IMMP2L: variants seen among roughly 807,000 people sequenced by gnomAD.
The protein encoded by IMMP2L is inner mitochondrial membrane peptidase subunit 2, also known as mitochondrial inner membrane protease subunit 2.
A neutral mutation model predicts 19.3 loss-of-function variants in IMMP2L; 18 were observed. The ratio of observed to expected loss-of-function variants is 0.93; its 90% CI spans 0.64 to 1.38. The LOEUF is 1.38. Ranked by LOEUF, IMMP2L falls within the 40% of genes most tolerant of loss-of-function variation. The probability of loss-of-function intolerance (pLI) is 0.00; values close to 1 mark genes in which losing one functional copy is unlikely to be tolerated. For synonymous variants in IMMP2L, 76 were observed against 73.0 expected (o/e 1.04, Z -0.21); for missense variants, 233 against 218.2 (o/e 1.07, Z -0.43).
rs868653580 is a variant in IMMP2L, at chr7:111,457,982, T to C, written c.239+29256A>G. 2.6e-5 allele frequency among the ~76,000 whole-genome samples: 4 copies of C among 151,444 alleles called. No individual in the cohort carries two copies. In the East Asian group the frequency reaches 7.8e-4, roughly 29 times the overall value. On this transcript the variant is annotated intron_variant, in intron 3 of 5. Coordinates refer to ENST00000405709, the MANE Select transcript of IMMP2L (RefSeq NM_032549.4). The stretch of plus-strand genomic sequence containing the variant: ...CAACAAATGTTCGAGTGCATTTTCA[T>C]TGTATGACTAAATTTCTATTAAAAA...
intron 5 of IMMP2L, among the ~76,000 whole-genome samples, chr7:110,876,617 C>T (rs1056221447): frequency 2.0e-5 from 3 of 152,082 alleles, no homozygotes; most frequent in African/African-American, 7.2e-5. Flanking sequence ...GGAGCAGAAT[C>T]TAACAGACAT....
chr7:111,555,619 TA>T (rs1008163388), intron 1 of IMMP2L, among the ~76,000 whole-genome samples: 4 of 152,162 alleles, frequency 2.6e-5, no homozygotes, highest in Non-Finnish European at 5.9e-5. Flanking sequence ...GACTTTTTTT[TA>T]AGATTCCACA....
intron 5 of IMMP2L, among the ~76,000 whole-genome samples, chr7:110,859,267 C>A (rs377505964): frequency 6.6e-6 from 1 of 151,960 alleles, no homozygotes; most frequent in South Asian, 2.1e-4. Context: ...TAGAGATTTT[C>A]AGAAGTATTT....
At chr7:111,243,228 A>C (rs1453278987) in intron 3 of IMMP2L, among the ~76,000 whole-genome samples, 1 of 152,012 alleles carries the variant, frequency 6.6e-6, no homozygotes, top group African/African-American at 2.4e-5. Flanking sequence ...TGAAGTATTT[A>C]TTATATATTG....
At chr7:111,124,985 A>C in intron 3 of IMMP2L, 2 of 959,526 alleles carry the variant, frequency 2.1e-6, no homozygotes, top group Non-Finnish European at 3.0e-6. Flanking sequence ...AACAAAACAA[A>C]CAAACAAACA....
intron 3 of IMMP2L, among the ~76,000 whole-genome samples, chr7:111,020,155 G>A (rs529260546): frequency 8.1e-5 from 12 of 148,928 alleles, no homozygotes; most frequent in African/African-American, 9.9e-5. Context: ...AGGCTGAGGC[G>A]GGTGGATCAT....
At chr7:110,813,055 T>G (rs1333137417) in intron 5 of IMMP2L, among the ~76,000 whole-genome samples, 1 of 152,074 alleles carries the variant, frequency 6.6e-6, no homozygotes, top group South Asian at 2.1e-4. Context: ...GGAATCACTT[T>G]GCAGTAAAAT....
chr7:111,288,606 G>A (rs559203841), intron 3 of IMMP2L, among the ~76,000 whole-genome samples: 53 of 152,204 alleles, frequency 3.5e-4, no homozygotes, highest in African/African-American at 7.2e-4. Flanking sequence ...AAAAGTGGGC[G>A]AAGGGTATGA....
intron 3 of IMMP2L, among the ~76,000 whole-genome samples, chr7:111,203,765 G>A (rs1169187372): frequency 2.6e-5 from 4 of 151,674 alleles, no homozygotes; most frequent in African/African-American, 7.3e-5. Context: ...AAAGATCCTC[G>A]GGGTATTTAT....
intron 3 of IMMP2L, among the ~76,000 whole-genome samples, chr7:111,162,867 A>C (rs912478273): frequency 6.6e-6 from 1 of 151,994 alleles, no homozygotes; most frequent in African/African-American, 2.4e-5. Flanking sequence ...AAGAGACTTG[A>C]ACAAACACTA....
intron 5 of IMMP2L, among the ~76,000 whole-genome samples, chr7:110,671,799 A>G (rs1305153933): frequency 6.6e-6 from 1 of 152,152 alleles, no homozygotes; most frequent in Non-Finnish European, 1.5e-5. Flanking sequence ...AGCAAATGCA[A>G]AAGAGCCTTG....
At chr7:111,508,271 C>T (rs1337768914) in intron 2 of IMMP2L, among the ~76,000 whole-genome samples, 2 of 151,422 alleles carry the variant, frequency 1.3e-5, no homozygotes, top group African/African-American at 2.4e-5. Context: ...AAGTATAAAA[C>T]AGGCATTTTA....
intron 4 of IMMP2L, among the ~76,000 whole-genome samples, chr7:110,926,799 T>G (rs1177715376): frequency 6.6e-6 from 1 of 152,170 alleles, no homozygotes; most frequent in Non-Finnish European, 1.5e-5. Flanking sequence ...CAGATATTGG[T>G]GAGGCCATCA....
intron 3 of IMMP2L, among the ~76,000 whole-genome samples, chr7:111,335,338 AAGTC>A (rs1319269669): frequency 6.6e-6 from 1 of 152,112 alleles, no homozygotes; most frequent in Non-Finnish European, 1.5e-5. Context: ...AGTCCCAAAA[AAGTC>A]AGCCAGACAA....
At chr7:111,504,574 C>A (rs1563282955) in intron 2 of IMMP2L, among the ~76,000 whole-genome samples, 1 of 152,108 alleles carries the variant, frequency 6.6e-6, no homozygotes, top group Admixed American at 6.5e-5. Context: ...TCAAACTATA[C>A]TACAAGGCTA....
intron 3 of IMMP2L, among the ~76,000 whole-genome samples, chr7:111,382,797 A>T (rs554472473): frequency 6.6e-6 from 1 of 152,258 alleles, no homozygotes; most frequent in South Asian, 2.1e-4. Flanking sequence ...GTGGCTCAAG[A>T]GGCAAAGATA....
At chr7:111,333,187 G>A (rs904585322) in intron 3 of IMMP2L, among the ~76,000 whole-genome samples, 6 of 152,142 alleles carry the variant, frequency 3.9e-5, no homozygotes, top group African/African-American at 7.2e-5. Flanking sequence ...ATACCAGCAC[G>A]TGACCAGTTG....
intron 4 of IMMP2L, among the ~76,000 whole-genome samples, chr7:110,902,550 G>A (rs1345393837): frequency 6.6e-6 from 1 of 150,520 alleles, no homozygotes; most frequent in Non-Finnish European, 1.5e-5. Flanking sequence ...TGGTTTGTCT[G>A]AAATGTGGTT....
rs1809177826 is a variant in IMMP2L at position 110,877,329 on chromosome 7, T to C, written c.408+9264A>G. ...AGCTCCCATAGTTGCCTTGGCAAAG[T>C]TCACAGTCTTTTCACACACAGAATC... On this transcript the variant is annotated intron_variant, in intron 5 of 5. Coordinates refer to ENST00000405709, the MANE Select transcript of IMMP2L (RefSeq NM_032549.4). This position sits in a 1 kb window ranked among gnomAD's most constrained non-coding sequence, Gnocchi z 4.0. Among the ~76,000 whole-genome samples, 1 of 152,286 alleles carries C rather than the reference T, an allele frequency of 6.6e-6. No homozygotes were observed. The highest frequency in any genetic ancestry group is 2.4e-5 in the African/African-American group (1 of 41,572).
Sources: allele counts gnomAD v4.1 joint callset (sites outside exome capture counted in the v4.1 genomes callset), GRCh38; gene constraint gnomAD v4.1.1; non-coding constraint Gnocchi (gnomAD v3.1); transcripts MANE v1.5; gene names NCBI Gene and HGNC (gene_info 2026-07-23, HGNC 2026-07-21).